The following KATNIP variants were observed in gnomAD, a reference collection of about 807,000 sequenced individuals.
The protein encoded by KATNIP is katanin interacting protein, also known as katanin-interacting protein.
KATNIP carries 126 observed loss-of-function variants against 174.0 expected under a neutral mutation model. The ratio of observed to expected loss-of-function variants is 0.72; its 90% CI spans 0.63 to 0.84. The LOEUF (loss-of-function observed/expected upper bound fraction) is 0.84. Ranked by LOEUF, KATNIP falls within the 40% of genes least tolerant of loss-of-function variation. KATNIP has a pLI of 0.00. For synonymous variants in KATNIP, 810 were observed against 835.7 expected (o/e 0.97, Z 0.53); for missense variants, 1,958 against 2,109.7 (o/e 0.93, Z 1.41).
At chr16:27,764,604 G>A (rs993434844) in intron 19 of KATNIP, among the ~76,000 whole-genome samples, 29 of 152,184 alleles carry the variant, frequency 1.9e-4, no homozygotes, top group Admixed American at 1.6e-3. Context: ...TACTTGGTCC[G>A]TTGCTGTTTC....
intron 5 of KATNIP, among the ~76,000 whole-genome samples, chr16:27,643,035 AGTGTTACTGGAACACAACC>A (rs1429202439): frequency 6.6e-6 from 1 of 152,248 alleles, no homozygotes; most frequent in African/African-American, 2.4e-5. Flanking sequence ...TTGTAAATAA[AGTGTTACTGGAACACAACC>A]GTGCCCATTT....
intron 14 of KATNIP, among the ~76,000 whole-genome samples, chr16:27,725,457 C>T (rs545119698): frequency 6.6e-6 from 1 of 152,234 alleles, no homozygotes; most frequent in East Asian, 1.9e-4. Context: ...CCACGTCTGC[C>T]GTGGGCTCAG....
At chr16:27,744,717 T>C (rs1205138117) in intron 15 of KATNIP, among the ~76,000 whole-genome samples, 1 of 151,924 alleles carries the variant, frequency 6.6e-6, no homozygotes. Context: ...ACACCGTCTC[T>C]ACTAAAAATA....
chr16:27,713,846 A>ATC lies in KATNIP; in HGVS notation c.1605+4927_1605+4928insCT, dbSNP rs2079793981. Among the ~76,000 whole-genome samples the ATC allele has an allele frequency of 5.5e-5, 4 of 73,182 alleles. No homozygotes were observed. The South Asian group carries it at 1.1e-3, about 21-fold the overall frequency. 48.0% of individuals were successfully genotyped at this position (73,182 alleles called of 152,430 possible). On this transcript the variant is annotated intron_variant, in intron 13 of 27. Coordinates refer to ENST00000261588, the MANE Select transcript of KATNIP (RefSeq NM_015202.5). ...TATATATATATATATATATATATAT[A>ATC]TATATATATATCTATCTCAGATTGT...
At chr16:27,705,580 G>A (rs2079267695) in intron 12 of KATNIP, among the ~76,000 whole-genome samples, 1 of 152,112 alleles carries the variant, frequency 6.6e-6, no homozygotes. Context: ...GCTCAGTGCA[G>A]GGAGAAACCA....
chr16:27,778,095 G>A (rs920460280), intron 27 of KATNIP, 126 bp downstream of exon 27: 21 of 795,416 alleles, frequency 2.6e-5, no homozygotes, highest in Admixed American at 9.7e-5. Context: ...CTCTGCCCAG[G>A]AGCCTGCCCA....
At position 27,598,181 on chromosome 16, in the gene KATNIP, C is replaced by A. The variant is rs546581955; in HGVS notation, c.64-20244C>A. On this transcript the variant is annotated intron_variant, in intron 2 of 27. Transcript: ENST00000261588. ...ACTTGAGCTTGGGAGGTGGAGGTTG[C>A]AGCAAACTGAGAATGCGCCACCATT... Among the ~76,000 whole-genome samples, 4 of 150,870 alleles carry A rather than the reference C, an allele frequency of 2.7e-5. No individual in the cohort carries two copies. In the East Asian group the frequency reaches 7.8e-4, roughly 29 times the overall value.
intron 14 of KATNIP, chr16:27,727,332 G>A (rs1333690486): frequency 6.3e-6 from 1 of 159,786 alleles, no homozygotes; most frequent in Non-Finnish European, 1.4e-5. Flanking sequence ...GGGACTCCAG[G>A]TGTGCACACC....
At chr16:27,593,791 G>T (rs1317847174) in intron 2 of KATNIP, among the ~76,000 whole-genome samples, 1 of 152,208 alleles carries the variant, frequency 6.6e-6, no homozygotes. Context: ...TACTTCAGGT[G>T]TGAACCACGG....
intron 1 of KATNIP, among the ~76,000 whole-genome samples, chr16:27,566,116 G>A (rs770794752): frequency 6.6e-6 from 1 of 151,464 alleles, no homozygotes; most frequent in South Asian, 2.1e-4. Flanking sequence ...TTACAGGCAT[G>A]AGCCACTGTG....
chr16:27,693,413 G>A (rs2142929943), intron 8 of KATNIP, among the ~76,000 whole-genome samples: 1 of 152,138 alleles, frequency 6.6e-6, no homozygotes, highest in South Asian at 2.1e-4. Context: ...TTTTGAGATG[G>A]AGTCTCGCTC....
chr16:27,598,701 CTGA>C (rs1234110292), intron 2 of KATNIP, among the ~76,000 whole-genome samples: 1 of 152,162 alleles, frequency 6.6e-6, no homozygotes, highest in African/African-American at 2.4e-5. Flanking sequence ...GCCCTGGGAG[CTGA>C]TGGTCAAGGA....
chr16:27,578,515 G>A (rs2090580776), intron 2 of KATNIP, among the ~76,000 whole-genome samples: 1 of 152,172 alleles, frequency 6.6e-6, no homozygotes, highest in Non-Finnish European at 1.5e-5. Flanking sequence ...GCTCCAGGGA[G>A]TGCCAGAGGA....
chr16:27,617,336 C>T (rs2076070939), intron 2 of KATNIP, among the ~76,000 whole-genome samples: 1 of 152,132 alleles, frequency 6.6e-6, no homozygotes, highest in African/African-American at 2.4e-5. Flanking sequence ...CAGGCGGTTC[C>T]AGGCCTGCTT....
At chr16:27,554,226 G>A (rs1457118751) in intron 1 of KATNIP, among the ~76,000 whole-genome samples, 1 of 152,168 alleles carries the variant, frequency 6.6e-6, no homozygotes, top group Non-Finnish European at 1.5e-5. Context: ...CACTTTGAGA[G>A]GCCAAGGTGG....
At chr16:27,734,429 T>C (rs1276816579) in intron 14 of KATNIP, among the ~76,000 whole-genome samples, 2 of 143,606 alleles carry the variant, frequency 1.4e-5, no homozygotes, top group African/African-American at 2.6e-5. Flanking sequence ...CCAGGTGCAG[T>C]GGTTCATGCC....
intron 1 of KATNIP, among the ~76,000 whole-genome samples, chr16:27,562,080 A>G (rs895104985): frequency 6.6e-6 from 1 of 152,198 alleles, no homozygotes; most frequent in African/African-American, 2.4e-5. Context: ...CTGATGCAGG[A>G]GGACTGCTTG....
rs138259068 is a variant in KATNIP, at chr16:27,766,456, C to T, written c.3957C>T (p.Pro1319=). The T allele has an allele frequency of 1.7e-4, 281 of 1,613,176 alleles. 2 individuals are homozygous for T. Among genetic ancestry groups the T allele is most frequent in the African/African-American group, 1.0e-3 (75 of 75,040 alleles). ...GLRFWNYNKS[P]EDTYRGAKIV... ...GCTTCTGGAACTACAATAAATCTCC[C>T]GAGGACACCTATCGCGGGGTAAGCT... Residue 1319 remains proline (P), a synonymous_variant, in exon 20 of 28, where the codon CCC becomes CCT. Coordinates refer to ENST00000261588, the MANE Select transcript of KATNIP (RefSeq NM_015202.5).
At chr16:27,553,922 C>G (rs1208212688) in intron 1 of KATNIP, among the ~76,000 whole-genome samples, 1 of 149,872 alleles carries the variant, frequency 6.7e-6, no homozygotes, top group African/African-American at 2.5e-5. Context: ...CCACTGCACT[C>G]CAGCCTGGGC....
Sources: allele counts gnomAD v4.1 joint callset (sites outside exome capture counted in the v4.1 genomes callset), GRCh38; gene constraint gnomAD v4.1.1; transcripts MANE v1.5; gene names NCBI Gene and HGNC (gene_info 2026-07-23, HGNC 2026-07-21).